Variants in TNRC18 observed in about 807,000 individuals in gnomAD.
TNRC18 encodes trinucleotide repeat containing 18.
TNRC18 carries 69 observed loss-of-function variants against 226.7 expected under a neutral mutation model. The observed-to-expected ratio is 0.30, with a 90% CI of 0.25 to 0.37. TNRC18 has a LOEUF of 0.37. TNRC18 is among the 10% of genes least tolerant of loss of function. TNRC18 has a pLI of 1.00. For missense variants in TNRC18, 4,754 were observed against 4,256.6 expected (o/e 1.12, Z -3.25); for synonymous variants, 2,449 against 1,927.6 (o/e 1.27, Z -7.09).
chr7:5,344,543 G>A (rs1356185797), intron 18 of TNRC18, among the ~76,000 whole-genome samples: 1 of 152,146 alleles, frequency 6.6e-6, no homozygotes, highest in African/African-American at 2.4e-5. Context: ...GAGGTCAGGG[G>A]TGGGGCTTTG....
At position 5,388,096 on chromosome 7, in the gene TNRC18, G is replaced by A. The variant is rs752018837; in HGVS notation, c.1728C>T (p.Ala576=). ...GRPVADMHSA[A]HGSGEASAMQ... ...TGGCCGAGGCCTCTCCAGACCCGTGGGCCGCAGAGTGCATGTCAGCGACCG... is the reference window on the plus strand; with the variant it reads ...TGGCCGAGGCCTCTCCAGACCCGTGAGCCGCAGAGTGCATGTCAGCGACCG... The change falls in exon 5 of 30, where the codon GCC becomes GCT. Residue 576 remains alanine (A), a synonymous_variant. Coordinates refer to ENST00000430969, the MANE Select transcript of TNRC18 (RefSeq NM_001080495.3). The A allele has an allele frequency of 1.9e-6, 3 of 1,553,362 alleles. No individual in the cohort carries two copies. Among genetic ancestry groups the A allele is most frequent in the Non-Finnish European group, 2.6e-6 (3 of 1,149,020 alleles).
At chr7:5,330,120 C>T (rs180742338) in intron 19 of TNRC18, among the ~76,000 whole-genome samples, 173 of 152,226 alleles carry the variant, frequency 1.1e-3, no homozygotes, top group African/African-American at 4.0e-3. Flanking sequence ...TTAGTAGAAA[C>T]GGAGTTTCAC....
At position 5,354,859 on chromosome 7, in the gene TNRC18, T is replaced by G. The variant is rs144830373; in HGVS notation, c.5194+2057A>C. Among the ~76,000 whole-genome samples the G allele has an allele frequency of 4.7e-3, 720 of 152,288 alleles. 5 individuals are homozygous for G. The highest frequency in any genetic ancestry group is 0.016 in the African/African-American group (683 of 41,556). On this transcript the variant is annotated intron_variant, in intron 16 of 29. Coordinates refer to ENST00000430969, the MANE Select transcript of TNRC18 (RefSeq NM_001080495.3). ...CCCCGTAAAGCAGGTGACGATATCT[T>G]AACTCTGAGTCCATAAACACTTTTT...
chr7:5,340,466 G>A (rs185277690), intron 18 of TNRC18, among the ~76,000 whole-genome samples: 1 of 152,328 alleles, frequency 6.6e-6, no homozygotes, highest in African/African-American at 2.4e-5. Flanking sequence ...GTTGGGCACG[G>A]TGGCTCACGC....
At chr7:5,321,478 G>C (rs1788351805) in intron 21 of TNRC18, among the ~76,000 whole-genome samples, 2 of 152,034 alleles carry the variant, frequency 1.3e-5, no homozygotes, top group Admixed American at 1.3e-4. Context: ...TGAACCCAGA[G>C]ATGAAAGCCT....
At position 5,307,002 on chromosome 7, in the gene TNRC18, G is replaced by C. The variant is rs935000143; in HGVS notation, c.*1104C>G. The C allele has an allele frequency of 6.6e-6, 1 of 150,992 alleles. No homozygotes were observed. The highest frequency in any genetic ancestry group is 2.4e-5 in the African/African-American group (1 of 41,190). 9.4% of individuals were successfully genotyped at this position (150,992 alleles called of 1,614,324 possible). On this transcript the variant is annotated 3_prime_UTR_variant, in exon 30 of 30. Coordinates refer to ENST00000430969, the MANE Select transcript of TNRC18 (RefSeq NM_001080495.3). ...TTGGGGCCTGGTTAAGTGCTTTCTG[G>C]GGCCCAAGCAGGGACCCTGGGCTTG...
intron 18 of TNRC18, 45 bp downstream of exon 18, chr7:5,345,517 G>GCCCA: frequency 4.8e-5 from 18 of 377,742 alleles, no homozygotes; most frequent in South Asian, 3.1e-4. Flanking sequence ...AATGGCGTCC[G>GCCCA]CCCCTCCCAC....
At chr7:5,330,163 C>T (rs962943256) in intron 19 of TNRC18, among the ~76,000 whole-genome samples, 1 of 152,126 alleles carries the variant, frequency 6.6e-6, no homozygotes, top group South Asian at 2.1e-4. Context: ...AACTCCTGAC[C>T]TCAGGTGATC....
At position 5,309,880 on chromosome 7, in the gene TNRC18, T is replaced by C. The variant is rs1787001500; in HGVS notation, c.8389-512A>G. Among the ~76,000 whole-genome samples, 1 of 152,020 alleles carries C rather than the reference T, an allele frequency of 6.6e-6. No individual in the cohort carries two copies. Among genetic ancestry groups the C allele is most frequent in the African/African-American group, 2.4e-5 (1 of 41,358 alleles). On this transcript the variant is annotated intron_variant, in intron 27 of 29. Coordinates refer to ENST00000430969, the MANE Select transcript of TNRC18 (RefSeq NM_001080495.3). This position sits in a 1 kb window ranked among gnomAD's most constrained non-coding sequence, Gnocchi z 5.7. Reference sequence around the variant, plus strand: ...GCCTCCCAAAGCACTAGGATCGCAGTGTCAGCCACTGCACCTGGCCTTATT... The same window carrying C: ...GCCTCCCAAAGCACTAGGATCGCAGCGTCAGCCACTGCACCTGGCCTTATT...
chr7:5,407,178 C>T (rs1781530528), intron 2 of TNRC18: 1 of 152,332 alleles, frequency 6.6e-6, no homozygotes, highest in African/African-American at 2.4e-5. Context: ...TGCGGCTGGG[C>T]TATCAGACCT....
intron 18 of TNRC18, among the ~76,000 whole-genome samples, chr7:5,343,301 C>A (rs1790859717): frequency 6.6e-6 from 1 of 152,116 alleles, no homozygotes; most frequent in Non-Finnish European, 1.5e-5. Flanking sequence ...TTGCAGTGAG[C>A]AGAGATCACG....
chr7:5,410,860 C>CAAAAAAAA (rs34320785), intron 2 of TNRC18, among the ~76,000 whole-genome samples: 1 of 37,178 alleles, frequency 2.7e-5, no homozygotes, highest in Non-Finnish European at 5.5e-5. Flanking sequence ...GACTCCATCT[C>CAAAAAAAA]AAAAAAAAAA....
intron 2 of TNRC18, among the ~76,000 whole-genome samples, chr7:5,403,032 T>G (rs1781217595): frequency 6.6e-6 from 1 of 151,846 alleles, no homozygotes; most frequent in Non-Finnish European, 1.5e-5. Flanking sequence ...AGACTGAGGC[T>G]CTCACTCCCA....
chr7:5,415,500 C>T (rs1315924212), intron 2 of TNRC18, among the ~76,000 whole-genome samples: 1 of 151,244 alleles, frequency 6.6e-6, no homozygotes, highest in East Asian at 2.0e-4. Flanking sequence ...CTTCAGCCTC[C>T]CCGAGTAGCT....
chr7:5,326,848 G>A (rs1487414193), intron 19 of TNRC18, among the ~76,000 whole-genome samples: 2 of 151,170 alleles, frequency 1.3e-5, no homozygotes, highest in Non-Finnish European at 2.9e-5. Flanking sequence ...AAAAAGGCCA[G>A]GTGCAGTGGC....
At chr7:5,337,497 A>C (rs1184280083) in intron 18 of TNRC18, among the ~76,000 whole-genome samples, 1 of 149,432 alleles carries the variant, frequency 6.7e-6, no homozygotes, top group African/African-American at 2.4e-5. Flanking sequence ...AAAAAAAGGA[A>C]CACCAAGAAA....
At position 5,313,801 on chromosome 7, in the gene TNRC18, G is replaced by T. The variant is rs781324464; in HGVS notation, c.7090C>A (p.Leu2364Met). The T allele has an allele frequency of 5.9e-6, 9 of 1,522,238 alleles. No homozygotes were observed. In the Admixed American group the frequency reaches 8.8e-5, roughly 15 times the overall value. 94.3% of individuals were successfully genotyped at this position (1,522,238 alleles called of 1,614,324 possible). Residue 2364 changes from leucine (L) to methionine (M), a missense_variant, in exon 27 of 30, where the codon CTG becomes ATG. Physicochemically the swap from Leu to Met is conservative, Grantham distance 15 (BLOSUM62 2). Coordinates refer to ENST00000430969, the MANE Select transcript of TNRC18 (RefSeq NM_001080495.3). ...GAACCTGGGGTGCTGCTCGGCTCCA[G>T]GGCTAAGGGGGTACTGGGGACCTCG... ...TDEVPSTPLA[L>M]EPSSTPGSKK...
At chr7:5,420,899 G>C in intron 2 of TNRC18, 161 bp downstream of exon 2, 1 of 840,622 alleles carries the variant, frequency 1.2e-6, no homozygotes, top group South Asian at 1.5e-5. Context: ...CCTTGGCTCC[G>C]GGACCAGGAG....
intron 29 of TNRC18, among the ~76,000 whole-genome samples, chr7:5,308,559 G>C (rs115019437): frequency 2.6e-5 from 4 of 152,174 alleles, no homozygotes; most frequent in African/African-American, 7.2e-5. Flanking sequence ...GACAGAGACC[G>C]AGATCGAGAG....
Sources: gnomAD v4.1 joint callset for allele counts (sites outside exome capture counted in the v4.1 genomes callset) on GRCh38, gnomAD v4.1.1 for gene constraint, Gnocchi (gnomAD v3.1) non-coding constraint, MANE v1.5 for transcripts, NCBI Gene and HGNC (gene_info 2026-07-23, HGNC 2026-07-21) for gene names.